Variants in C4BPB observed in about 807,000 individuals in gnomAD.
The protein encoded by C4BPB is C4b-binding protein beta chain.
A neutral mutation model predicts 26.6 loss-of-function variants in C4BPB; 19 were observed. The ratio of observed to expected loss-of-function variants is 0.71; its 90% CI spans 0.50 to 1.05. The LOEUF is 1.05. Ranked by LOEUF, C4BPB falls within the 50% of genes least tolerant of loss-of-function variation. The pLI is 0.00. For missense variants in C4BPB, 282 were observed against 302.9 expected (o/e 0.93, Z 0.51); for synonymous variants, 118 against 103.5 (o/e 1.14, Z -0.85).
At chr1:207,098,294 C>A in intron 6 of C4BPB, 30 bp downstream of exon 6, 1 of 1,313,234 alleles carries the variant, frequency 7.6e-7, no homozygotes, top group Non-Finnish European at 1.1e-6. Flanking sequence ...CTGTCTTGTT[C>A]ACAGCTGGAT....
intron 2 of C4BPB, 76 bp from the exon 3 acceptor site, chr1:207,090,232 A>G: frequency 8.7e-7 from 1 of 1,145,852 alleles, no homozygotes; most frequent in Non-Finnish European, 1.2e-6. Flanking sequence ...AAAAGACATG[A>G]GAATGGGGAA....
Position 207,099,965 on chromosome 1 carries a change from A to G in C4BPB, c.*36A>G, listed in dbSNP as rs1684404627. The G allele has an allele frequency of 6.4e-7, 1 of 1,565,088 alleles. No homozygotes were observed. The highest frequency in any genetic ancestry group is 8.6e-7 in the Non-Finnish European group (1 of 1,157,440). Reference sequence around the variant, plus strand: ...GAGCAGATGTAATAGAAATAAACCTATGAATAAATTTTCTTCTTGGTTCTG... The same window carrying G: ...GAGCAGATGTAATAGAAATAAACCTGTGAATAAATTTTCTTCTTGGTTCTG... On this transcript the variant is annotated 3_prime_UTR_variant, in exon 7 of 7. Transcript: ENST00000367078.
chr1:207,096,570 A>G lies in C4BPB; in HGVS notation c.458A>G (p.Asn153Ser), dbSNP rs749839927. 1 of 1,610,376 alleles carries G rather than the reference A, an allele frequency of 6.2e-7. No individual in the cohort carries two copies. The highest frequency in any genetic ancestry group is 2.2e-5 in the East Asian group (1 of 44,850). The change falls in exon 5 of 7, where the codon AAT becomes AGT. Residue 153 changes from asparagine (N) to serine (S), a missense_variant. Coordinates refer to ENST00000367078, the MANE Select transcript of C4BPB (RefSeq NM_001017365.3). The stretch of plus-strand genomic sequence containing the variant: ...CCAGTTCATGGCTATTTTGAAGGAA[A>G]TAACTTCACCTTAGGATCCACCATT... ...GNPVHGYFEG[N>S]NFTLGSTISY...
At position 207,098,236 on chromosome 1, in the gene C4BPB, C is replaced by A. The variant is rs1216085199; in HGVS notation, c.590C>A (p.Ala197Asp). The A allele has an allele frequency of 3.1e-5, 50 of 1,613,292 alleles. No individual in the cohort carries two copies. The highest frequency in any genetic ancestry group is 4.1e-5 in the Non-Finnish European group (48 of 1,179,342). Residue 197 changes from alanine (A) to aspartate (D), a missense_variant, in exon 6 of 7, where the codon GCT becomes GAT. Ala to Asp is a moderately radical substitution (Grantham distance 126). Transcript: ENST00000367078. ...ALPVCKLIQE[A>D]PKPECEKALL... ...CCAGTCTGCAAGTTGATCCAGGAAG[C>A]TCCCAAACCAGAGTGTGAGAAGGCA...
chr1:207,096,318 T>C lies in C4BPB; in HGVS notation c.410-204T>C. ...TGGGCTGGGGGAAAGCTCTTTCCCATGGACAAATATGATTTAGAAGAGAAG... is the reference window on the plus strand; with the variant it reads ...TGGGCTGGGGGAAAGCTCTTTCCCACGGACAAATATGATTTAGAAGAGAAG... On this transcript the variant is annotated intron_variant, in intron 4 of 6. Coordinates refer to ENST00000367078, the MANE Select transcript of C4BPB (RefSeq NM_001017365.3). 1.1e-5 allele frequency: 6 copies of C among 555,942 alleles called. No individual in the cohort carries two copies. The South Asian group carries it at 1.2e-4, about 11-fold the overall frequency. 34.4% of individuals were successfully genotyped at this position (555,942 alleles called of 1,614,324 possible).
Position 207,089,580 on chromosome 1 carries a change from G to C in C4BPB, c.49G>C (p.Ala17Pro). Residue 17 changes from alanine (A) to proline (P), a missense_variant, in exon 2 of 7, where the codon GCT becomes CCT. Transcript: ENST00000367078. ...CCLMVAWRVS[A>P]SDAEHCPELP... ...TCTTATGGTTGCGTGGCGAGTTTCT[G>C]CTTCAGATGGTACGTATGCTTTCCT... 2 of 1,614,036 alleles carry C rather than the reference G, an allele frequency of 1.2e-6. No individual in the cohort carries two copies.
At chr1:207,092,342 T>C (rs1684061334) in intron 4 of C4BPB, among the ~76,000 whole-genome samples, 1 of 152,142 alleles carries the variant, frequency 6.6e-6, no homozygotes, top group Non-Finnish European at 1.5e-5. Context: ...TAAATAAGCA[T>C]TAAATGCCAT....
At position 207,096,477 on chromosome 1, in the gene C4BPB, G is replaced by A. The variant is rs56412597; in HGVS notation, c.410-45G>A. 1,487 of 1,150,358 alleles carry A rather than the reference G, an allele frequency of 1.3e-3. 13 individuals carry two copies. The African/African-American group carries it at 0.019, about 15-fold the overall frequency. The allele number at this position is 1,150,358 out of a possible 1,614,324, so 71.3% of individuals were successfully genotyped here. A position where few individuals can be genotyped will look rare whatever the true frequency, so the allele number is the denominator to read the frequency against. On this transcript the variant is annotated intron_variant, in intron 4 of 6. Coordinates refer to ENST00000367078, the MANE Select transcript of C4BPB (RefSeq NM_001017365.3). ...CAATTAGGGGTGCTGTTCATTGAGC[G>A]TGCCTGGCCCTCATAACTATGACTT... is the stretch of plus-strand genomic sequence containing the variant.
At chr1:207,097,960 C>T (rs1211477576) in intron 5 of C4BPB, 190 bp from the exon 6 acceptor site, 1 of 530,230 alleles carries the variant, frequency 1.9e-6, no homozygotes, top group African/African-American at 1.9e-5. Context: ...TCCTCTCCTA[C>T]CTCCAGGAAA....
In C4BPB at chr1:207,089,552, C is replaced by T. The variant is rs994512193; in HGVS notation, c.21C>T (p.Cys7=). The T allele has an allele frequency of 2.5e-6, 4 of 1,613,876 alleles. No homozygotes were observed. The African/African-American group carries it at 4.0e-5, about 16-fold the overall frequency. The change falls in exon 2 of 7, where the codon TGC becomes TGT. Residue 7 remains cysteine, a synonymous_variant. Coordinates refer to ENST00000367078, the MANE Select transcript of C4BPB (RefSeq NM_001017365.3). MFFWCA[C]CLMVAWRVSA... The stretch of plus-strand genomic sequence containing the variant: ...ACCAGATGTTTTTTTGGTGTGCGTG[C>T]TGTCTTATGGTTGCGTGGCGAGTTT...
intron 4 of C4BPB, chr1:207,095,953 G>T: frequency 5.9e-6 from 1 of 170,582 alleles, no homozygotes; most frequent in South Asian, 1.3e-4. Flanking sequence ...CCCAGAAGCC[G>T]AGCAGATGCC....
chr1:207,098,876 G>A (rs1212447414), intron 6 of C4BPB, among the ~76,000 whole-genome samples: 1 of 152,096 alleles, frequency 6.6e-6, no homozygotes, highest in Admixed American at 6.5e-5. Flanking sequence ...ATCTGGGAGT[G>A]ATGAGAGACA....
At chr1:207,099,329 A>C (rs917009407) in intron 6 of C4BPB, among the ~76,000 whole-genome samples, 5 of 152,228 alleles carry the variant, frequency 3.3e-5, no homozygotes, top group Non-Finnish European at 5.9e-5. Flanking sequence ...CAATGTGAGC[A>C]AAGCAGAGTG....
rs56290838 is a variant in C4BPB, at chr1:207,091,391, G to A, written c.233-253G>A. Among the ~76,000 whole-genome samples, 135 of 152,300 alleles carry A rather than the reference G, an allele frequency of 8.9e-4. 1 individual carries two copies. The highest frequency in any genetic ancestry group is 3.0e-3 in the African/African-American group (126 of 41,564). On this transcript the variant is annotated intron_variant, in intron 3 of 6. Coordinates refer to ENST00000367078, the MANE Select transcript of C4BPB (RefSeq NM_001017365.3). ...CATACGATTGGTAACTTTCAGTTAC[G>A]TGATTAATTACTTTCAGTTGCCAAT...
Position 207,091,731 on chromosome 1 carries a change from G to A in C4BPB, c.320G>A (p.Cys107Tyr), listed in dbSNP as rs201260667. The change falls in exon 4 of 7, where the codon TGC becomes TAC. Residue 107 changes from cysteine to tyrosine, a missense_variant. Coordinates refer to ENST00000367078, the MANE Select transcript of C4BPB (RefSeq NM_001017365.3). ...GTAAGTGACAAAATCACGTTTATGT[G>A]CAATGACCACTACATCCTCAAGGGC... is the stretch of plus-strand genomic sequence containing the variant. ...VNVSDKITFM[C>Y]NDHYILKGSN... is the part of the protein sequence containing the mutation. 5.0e-6 allele frequency: 8 copies of A among 1,614,020 alleles called. No homozygotes were observed. Among genetic ancestry groups the A allele is most frequent in the Non-Finnish European group, 5.9e-6 (7 of 1,179,950 alleles).
chr1:207,091,707 T>C lies in C4BPB; in HGVS notation c.296T>C (p.Val99Ala). Residue 99 changes from valine (V) to alanine (A), a missense_variant, in exon 4 of 7, where the codon GTA becomes GCA. Coordinates refer to ENST00000367078, the MANE Select transcript of C4BPB (RefSeq NM_001017365.3). ...TTCAGTTCTTCAGGGCCTGTGAATG[T>C]AAGTGACAAAATCACGTTTATGTGC... ...GEFSSSGPVNVSDKITFMCND... is the reference protein window; with the variant it reads ...GEFSSSGPVNASDKITFMCND... The C allele has an allele frequency of 5.6e-6, 9 of 1,614,084 alleles. No homozygotes were observed. Among genetic ancestry groups the C allele is most frequent in the Non-Finnish European group, 6.8e-6 (8 of 1,179,970 alleles).
At chr1:207,096,852 C>T (rs145406981) in intron 5 of C4BPB, among the ~76,000 whole-genome samples, 12 of 152,254 alleles carry the variant, frequency 7.9e-5, no homozygotes, top group East Asian at 1.9e-4. Flanking sequence ...TTTTCCTCTC[C>T]GCCAAGACAA....
chr1:207,090,933 A>C (rs1255024033), intron 3 of C4BPB, among the ~76,000 whole-genome samples: 1 of 152,162 alleles, frequency 6.6e-6, no homozygotes, highest in Non-Finnish European at 1.5e-5. Flanking sequence ...AAGTAAGTGC[A>C]TTGTATCATT....
At chr1:207,090,958 A>G (rs1057062860) in intron 3 of C4BPB, among the ~76,000 whole-genome samples, 3 of 152,190 alleles carry the variant, frequency 2.0e-5, no homozygotes, top group Admixed American at 6.5e-5. Flanking sequence ...TTCACCTATC[A>G]TATAACTTTT....
Sources: allele counts gnomAD v4.1 joint callset (sites outside exome capture counted in the v4.1 genomes callset), GRCh38; gene constraint gnomAD v4.1.1; transcripts MANE v1.5; gene names NCBI Gene and HGNC (gene_info 2026-07-23, HGNC 2026-07-21).